Variants in IL21R observed in about 807,000 individuals in gnomAD.
IL21R encodes interleukin 21 receptor, also known as interleukin-21 receptor.
In IL21R, 14 loss-of-function variants were observed where a neutral mutation model predicts 41.3. The observed-to-expected ratio is 0.34, with a 90% confidence interval of 0.22 to 0.53. IL21R has a LOEUF of 0.53. IL21R is among the 20% of genes least tolerant of loss of function. IL21R has a pLI of 0.94. For synonymous variants in IL21R, 286 were observed against 287.6 expected (o/e 0.99, Z 0.05); for missense variants, 588 against 681.6 (o/e 0.86, Z 1.53).
Position 27,413,345 on chromosome 16 carries a change from T to C in IL21R, c.-17+10727T>C, listed in dbSNP as rs2086848160. Among the ~76,000 whole-genome samples, 2 of 152,068 alleles carry C rather than the reference T, an allele frequency of 1.3e-5. 1 individual carries two copies. The highest frequency in any genetic ancestry group is 4.1e-4 in the South Asian group (2 of 4,834). Reference sequence around the variant, plus strand: ...TGGTGTATAGCCTTTTAATGTGTTGTTAAATTTGGTTTGCTAGCATTTTGT... The same window carrying C: ...TGGTGTATAGCCTTTTAATGTGTTGCTAAATTTGGTTTGCTAGCATTTTGT... On this transcript the variant is annotated intron_variant, in intron 1 of 8. Coordinates refer to ENST00000337929, the MANE Select transcript of IL21R (RefSeq NM_181078.3).
chr16:27,432,886 C>T (rs1402427778), intron 2 of IL21R, among the ~76,000 whole-genome samples: 1 of 152,162 alleles, frequency 6.6e-6, no homozygotes, highest in Admixed American at 6.5e-5. Flanking sequence ...CAATATCTGT[C>T]ATGTGTGCGG....
At chr16:27,434,273 C>A in intron 2 of IL21R, 74 bp from the exon 3 acceptor site, 1 of 952,484 alleles carries the variant, frequency 1.0e-6, no homozygotes, top group South Asian at 1.3e-5. Context: ...CTCCAGCCCT[C>A]GAGGGGATGG....
chr16:27,440,222 AAT>A (rs60418304), intron 4 of IL21R, among the ~76,000 whole-genome samples: 9,973 of 75,626 alleles, frequency 0.13, 764 homozygotes, highest in East Asian at 0.27. Context: ...TAATCTGACA[AAT>A]ATATATATAT....
At chr16:27,409,376 G>A (rs1161529011) in intron 1 of IL21R, among the ~76,000 whole-genome samples, 2 of 150,860 alleles carry the variant, frequency 1.3e-5, no homozygotes, top group Admixed American at 1.3e-4. Flanking sequence ...TAATTTTCAT[G>A]AAGTTTATTT....
Position 27,449,352 on chromosome 16 carries a change from C to G in IL21R, c.*69C>G. 1.3e-6 allele frequency: 2 copies of G among 1,481,684 alleles called. No individual in the cohort carries two copies. Among genetic ancestry groups the G allele is most frequent in the Non-Finnish European group, 1.8e-6 (2 of 1,112,086 alleles). 91.8% of individuals were successfully genotyped at this position (1,481,684 alleles called of 1,614,324 possible). On this transcript the variant is annotated 3_prime_UTR_variant, in exon 9 of 9. Transcript: ENST00000337929. ...TGAGCCAGAGACAAGGTCACCTGGG[C>G]TGTGATGTGAAGACACCTGCAGCCT...
chr16:27,415,618 C>T (rs2086885279), intron 1 of IL21R, among the ~76,000 whole-genome samples: 1 of 152,182 alleles, frequency 6.6e-6, no homozygotes, highest in South Asian at 2.1e-4. Flanking sequence ...CCAGAGAGTC[C>T]TCCACCATAG....
In IL21R at chr16:27,418,873, AAATTTTTTATTTTTT is replaced by A. The variant is rs535006875; in HGVS notation, c.-16-11181_-16-11167del. ...AAGCCTTTTTATATATTATATTTTA[AAATTTTTTATTTTTT>A]ATTTTTTTACTTAAAAAAATTTTTT... On this transcript the variant is annotated intron_variant, in intron 1 of 8. Coordinates refer to ENST00000337929, the MANE Select transcript of IL21R (RefSeq NM_181078.3). Among the ~76,000 whole-genome samples, 628 of 146,994 alleles carry A rather than the reference AAATTTTTTATTTTTT, an allele frequency of 4.3e-3. 2 individuals are homozygous for A. Among genetic ancestry groups the A allele is most frequent in the Non-Finnish European group, 6.8e-3 (457 of 66,988 alleles).
chr16:27,404,870 A>G (rs2086714034), intron 1 of IL21R, among the ~76,000 whole-genome samples: 1 of 151,962 alleles, frequency 6.6e-6, no homozygotes, highest in Non-Finnish European at 1.5e-5. Context: ...TGTGGTGAGG[A>G]TTTACTCAAC....
Position 27,439,332 on chromosome 16 carries a change from TCTCA to T in IL21R, c.352+1649_352+1652del, listed in dbSNP as rs369583720. Reference sequence around the variant, plus strand: ...CACACTGCCTCTCTCTCTTGCTCTCTCTCACTCTCATACACACTCACACATACAT... The same window carrying T: ...CACACTGCCTCTCTCTCTTGCTCTCTCTCTCATACACACTCACACATACAT... On this transcript the variant is annotated intron_variant, in intron 4 of 8. Coordinates refer to ENST00000337929, the MANE Select transcript of IL21R (RefSeq NM_181078.3). Among the ~76,000 whole-genome samples, 18 of 151,734 alleles carry T rather than the reference TCTCA, an allele frequency of 1.2e-4. No homozygotes were observed. In the South Asian group the frequency reaches 3.8e-3, roughly 32 times the overall value.
chr16:27,418,582 G>A (rs1360979472), intron 1 of IL21R, among the ~76,000 whole-genome samples: 1 of 152,056 alleles, frequency 6.6e-6, no homozygotes, highest in Non-Finnish European at 1.5e-5. Flanking sequence ...ATGTTAGCCA[G>A]GATAGTCTTG....
rs149040084 is a variant in IL21R at position 27,414,677 on chromosome 16, A to C, written c.-17+12059A>C. Among the ~76,000 whole-genome samples, 331 of 151,520 alleles carry C rather than the reference A, an allele frequency of 2.2e-3. 1 individual carries two copies. Among genetic ancestry groups the C allele is most frequent in the Non-Finnish European group, 4.0e-3 (269 of 67,798 alleles). On this transcript the variant is annotated intron_variant, in intron 1 of 8. Transcript: ENST00000337929. ...TTTAGAAAATCAAGTTTTAAAAATT[A>C]TTATTCCATTTTTCCTATTAGTTTG... is the stretch of plus-strand genomic sequence containing the variant.
rs1321746548 is a variant in IL21R, at chr16:27,448,395, C to A, written c.868-139C>A. The A allele has an allele frequency of 3.5e-6, 3 of 860,418 alleles. No individual in the cohort carries two copies. The African/African-American group carries it at 5.1e-5, about 15-fold the overall frequency. The allele number at this position is 860,418 out of a possible 1,614,324, so 53.3% of individuals were successfully genotyped here. On this transcript the variant is annotated intron_variant, in intron 8 of 8. Coordinates refer to ENST00000337929, the MANE Select transcript of IL21R (RefSeq NM_181078.3). ...ACTTGATCCTGGGAGGCAGAGGTTG[C>A]AGTGAACCGAGATGGCACCACTGCA...
chr16:27,417,544 T>C (rs1241482267), intron 1 of IL21R, among the ~76,000 whole-genome samples: 1 of 152,238 alleles, frequency 6.6e-6, no homozygotes, highest in Admixed American at 6.5e-5. Flanking sequence ...ATGACGAGGA[T>C]ACATTCTGAG....
At chr16:27,429,019 T>G (rs1182811605) in intron 1 of IL21R, among the ~76,000 whole-genome samples, 1 of 151,998 alleles carries the variant, frequency 6.6e-6, no homozygotes, top group Admixed American at 6.5e-5. Flanking sequence ...TGGCCAGGAG[T>G]TCGAGACCAG....
chr16:27,449,691 T>C lies in IL21R; in HGVS notation c.*408T>C. The stretch of plus-strand genomic sequence containing the variant: ...CCTAGGGTCTTGTGTTGCAAGTTGG[T>C]CCACAGCATCTCCGGGGCTTTGTGG... On this transcript the variant is annotated 3_prime_UTR_variant, in exon 9 of 9. Coordinates refer to ENST00000337929, the MANE Select transcript of IL21R (RefSeq NM_181078.3). 3.9e-6 allele frequency: 1 copy of C among 253,432 alleles called. No individual in the cohort carries two copies. The highest frequency in any genetic ancestry group is 7.6e-6 in the Non-Finnish European group (1 of 130,768). The allele number at this position is 253,432 out of a possible 1,614,324, so 15.7% of individuals were successfully genotyped here.
intron 4 of IL21R, among the ~76,000 whole-genome samples, chr16:27,441,029 T>C (rs979377378): frequency 4.3e-5 from 5 of 116,792 alleles, no homozygotes; most frequent in African/African-American, 1.7e-4. Flanking sequence ...CCAGCCTGGG[T>C]GACAGAGATT....
intron 1 of IL21R, among the ~76,000 whole-genome samples, chr16:27,425,561 T>G (rs1239094915): frequency 6.7e-6 from 1 of 149,990 alleles, no homozygotes; most frequent in East Asian, 1.9e-4. Flanking sequence ...TTTGTTTTGT[T>G]TTTTTTTGAG....
intron 1 of IL21R, among the ~76,000 whole-genome samples, chr16:27,405,908 C>T (rs2086736770): frequency 6.6e-6 from 1 of 152,286 alleles, no homozygotes; most frequent in Admixed American, 6.5e-5. Context: ...CTGCTGATCT[C>T]TGCAGCCCAC....
At chr16:27,446,863 T>C (rs999921332) in intron 8 of IL21R, among the ~76,000 whole-genome samples, 2 of 152,200 alleles carry the variant, frequency 1.3e-5, no homozygotes, top group Admixed American at 6.5e-5. Flanking sequence ...TTTACAGCCG[T>C]GTCACCCACC....
Sources: gnomAD v4.1 joint callset for allele counts (sites outside exome capture counted in the v4.1 genomes callset) on GRCh38, gnomAD v4.1.1 for gene constraint, MANE v1.5 for transcripts, NCBI Gene and HGNC (gene_info 2026-07-23, HGNC 2026-07-21) for gene names.